Variants in SMARCC2 observed in about 807,000 individuals in gnomAD.
SMARCC2 encodes the protein SWI/SNF complex subunit SMARCC2.
In SMARCC2, 15 loss-of-function variants were observed where a neutral mutation model predicts 151.3. That is an observed-to-expected ratio of 0.10 (90% CI 0.07 to 0.15). The LOEUF is 0.15. Ranked by LOEUF, SMARCC2 falls within the 10% of genes least tolerant of loss-of-function variation. SMARCC2 has a pLI of 1.00. For missense variants in SMARCC2, 1,031 were observed against 1,599.7 expected, an observed-to-expected ratio of 0.64 and a Z score of 6.06; for synonymous variants, 590 against 609.5, an observed-to-expected ratio of 0.97 and a Z score of 0.47.
rs1356084033 is a variant in SMARCC2 at position 56,172,950 on chromosome 12, C to A, written c.1730G>T (p.Gly577Val). Residue 577 changes from glycine to valine, a missense_variant, in exon 18 of 29, where the codon GGC becomes GTC. Around this residue, in one of 12 missense-constraint regions of SMARCC2, gnomAD observed 99 missense variants for 148.3 expected, o/e 0.67. Coordinates refer to ENST00000550164, the MANE Select transcript of SMARCC2 (RefSeq NM_001330288.2). Reference protein sequence around the residue: ...LDDLVPETAKGKPELQTSASQ... With the variant: ...LDDLVPETAKVKPELQTSASQ... Reference sequence around the variant, plus strand: ...CACCCCACCTACCAGCTCTGGCTTGCCCTTAGCCGTCTCTGGCACCAGGTC... The same window carrying A: ...CACCCCACCTACCAGCTCTGGCTTGACCTTAGCCGTCTCTGGCACCAGGTC... 6.2e-7 allele frequency: 1 copy of A among 1,613,654 alleles called. No individual in the cohort carries two copies. The highest frequency in any genetic ancestry group is 2.2e-5 in the East Asian group (1 of 44,884).
Position 56,174,675 on chromosome 12 carries a change from G to C in SMARCC2, c.1472C>G (p.Ala491Gly), listed in dbSNP as rs762524732. Residue 491 changes from alanine to glycine, a missense_variant, in exon 16 of 29, where the codon GCG becomes GGG. Transcript: ENST00000550164. ...CCTCATGATGGCACAGACATCACCC[G>C]CTAGGTTTCGGCGGCAGGCGGTAGA... is the stretch of plus-strand genomic sequence containing the variant. Reference protein sequence around the residue: ...LTSTACRRNLAGDVCAIMRVH... With the variant: ...LTSTACRRNLGGDVCAIMRVH... 4.3e-6 allele frequency: 7 copies of C among 1,613,372 alleles called. No individual in the cohort carries two copies. Among genetic ancestry groups the C allele is most frequent in the Non-Finnish European group, 5.9e-6 (7 of 1,179,502 alleles).
chr12:56,181,435 A>C lies in SMARCC2; in HGVS notation c.956+47T>G, dbSNP rs762600642. On this transcript the variant is annotated intron_variant, in intron 10 of 28. Transcript: ENST00000550164. ...ATTTGTCTTTCCTTCCTTCAACATG[A>C]TGTGGAGAGAATGGTGAACACGGGG... 7 of 1,153,110 alleles carry C rather than the reference A, an allele frequency of 6.1e-6. No individual in the cohort carries two copies. The South Asian group carries it at 1.1e-4, about 18-fold the overall frequency. The allele number at this position is 1,153,110 out of a possible 1,614,324, so 71.4% of individuals were successfully genotyped here.
intron 16 of SMARCC2, 66 bp from the exon 17 acceptor site, chr12:56,173,915 A>AG: frequency 6.7e-7 from 1 of 1,481,916 alleles, no homozygotes; most frequent in Admixed American, 1.9e-5. Flanking sequence ...GAAGAGGAAA[A>AG]GTGGGGGGTA....
chr12:56,169,717 G>A (rs1873544688), intron 24 of SMARCC2, 22 bp from the exon 25 acceptor site: 6 of 1,614,032 alleles, frequency 3.7e-6, no homozygotes, highest in Non-Finnish European at 5.1e-6. Context: ...CAAGGGTTGA[G>A]TTAGCCCCAC....
chr12:56,171,583 A>G lies in SMARCC2; in HGVS notation c.2185+96T>C. ...AGCTGAGGCCCGCACAGACAAGGCCAGCAGGGCAGCCAAACTTGAGAGGAT... is the reference window on the plus strand; with the variant it reads ...AGCTGAGGCCCGCACAGACAAGGCCGGCAGGGCAGCCAAACTTGAGAGGAT... On this transcript the variant is annotated intron_variant, in intron 21 of 28. Coordinates refer to ENST00000550164, the MANE Select transcript of SMARCC2 (RefSeq NM_001330288.2). The surrounding 1 kb of genome is among the most constrained non-coding windows in gnomAD (Gnocchi z 4.2). 6.7e-7 allele frequency: 1 copy of G among 1,490,528 alleles called. No homozygotes were observed. Among genetic ancestry groups the G allele is most frequent in the Non-Finnish European group, 9.0e-7 (1 of 1,105,650 alleles). 92.3% of individuals were successfully genotyped at this position (1,490,528 alleles called of 1,614,324 possible).
rs1288300522 is a variant in SMARCC2, at chr12:56,189,382, A to G, written c.80T>C (p.Val27Ala). 10 of 1,540,928 alleles carry G rather than the reference A, an allele frequency of 6.5e-6. No homozygotes were observed. The highest frequency in any genetic ancestry group is 8.8e-6 in the Non-Finnish European group (10 of 1,140,806). The part of the protein sequence containing the change: ...AADTVTQFDN[V>A]RLWLGKNYKK... ...GTAGTTCTTGCCGAGCCACAGCCGC[A>G]CGTTGTCGAACTGGGTCACGGTGTC... is the stretch of plus-strand genomic sequence containing the variant. Residue 27 changes from valine (V) to alanine (A), a missense_variant, in exon 1 of 29, where the codon GTG becomes GCG. Val to Ala is a moderately conservative substitution (Grantham distance 64). This residue lies in a region of SMARCC2 where 50 missense variants were observed against 52.4 expected (regional missense o/e 0.95). Transcript: ENST00000550164.
chr12:56,174,403 C>T (rs556140506), intron 16 of SMARCC2: 34 of 383,854 alleles, frequency 8.9e-5, no homozygotes, highest in African/African-American at 6.9e-4. Context: ...TGAGCCACCA[C>T]ACCTGGCCTG....
At chr12:56,175,169 G>A (rs568213892) in intron 15 of SMARCC2, among the ~76,000 whole-genome samples, 9 of 152,032 alleles carry the variant, frequency 5.9e-5, no homozygotes, top group African/African-American at 1.9e-4. Context: ...GTGCCACCAC[G>A]GCCGGCTAAT....
chr12:56,173,893 A>C (rs761405981), intron 16 of SMARCC2, 44 bp from the exon 17 acceptor site: 1 of 1,571,216 alleles, frequency 6.4e-7, no homozygotes, highest in Non-Finnish European at 8.7e-7. Flanking sequence ...GATAGCCAGA[A>C]AGGTGCACGA....
At chr12:56,184,018 C>A (rs1876765475) in intron 6 of SMARCC2, 88 bp from the exon 7 acceptor site, 2 of 1,107,540 alleles carry the variant, frequency 1.8e-6, no homozygotes, top group Admixed American at 2.0e-5. Context: ...AATGCACTCT[C>A]CTGTTGTAGC....
At chr12:56,177,296 G>C (rs1875219200) in intron 15 of SMARCC2, among the ~76,000 whole-genome samples, 1 of 152,178 alleles carries the variant, frequency 6.6e-6, no homozygotes, top group South Asian at 2.1e-4. Flanking sequence ...CCAGGCTGGA[G>C]AGCAGTGGTG....
rs893596660 is a variant in SMARCC2 at position 56,162,676 on chromosome 12, A to C, written c.*1013T>G. Reference sequence around the variant, plus strand: ...TCTTCCACTGCTCCCAAATCCCTGCATCCTCATCTGGGGAGCCCCCAGCTA... The same window carrying C: ...TCTTCCACTGCTCCCAAATCCCTGCCTCCTCATCTGGGGAGCCCCCAGCTA... On this transcript the variant is annotated 3_prime_UTR_variant, in exon 29 of 29. Transcript: ENST00000550164. 4.4e-6 allele frequency: 1 copy of C among 229,312 alleles called. No individual in the cohort carries two copies. Among genetic ancestry groups the C allele is most frequent in the African/African-American group, 2.3e-5 (1 of 43,886 alleles). The allele number at this position is 229,312 out of a possible 1,614,324, so 14.2% of individuals were successfully genotyped here. A position where few individuals can be genotyped will look rare whatever the true frequency, so the allele number is the denominator to read the frequency against.
At position 56,165,844 on chromosome 12, in the gene SMARCC2, C is replaced by G. The variant is rs115952344; in HGVS notation, c.2851-145G>C. The G allele has an allele frequency of 3.0e-4, 233 of 773,060 alleles. No homozygotes were observed. In the African/African-American group the frequency reaches 3.6e-3, roughly 12 times the overall value. The allele number at this position is 773,060 out of a possible 1,614,324, so 47.9% of individuals were successfully genotyped here. On this transcript the variant is annotated intron_variant, in intron 26 of 28. Transcript: ENST00000550164. Reference sequence around the variant, plus strand: ...TCTACATCTTGTGCTTGTGCTCCCTCTGTCCTCCCCACCCGACTTCGTGCA... The same window carrying G: ...TCTACATCTTGTGCTTGTGCTCCCTGTGTCCTCCCCACCCGACTTCGTGCA...
At chr12:56,170,011 T>C (rs1873609275) in intron 23 of SMARCC2, 100 bp from the exon 24 acceptor site, 4 of 1,442,582 alleles carry the variant, frequency 2.8e-6, no homozygotes, top group Non-Finnish European at 3.9e-6. Context: ...TCCTCTTACT[T>C]TGGAGGTGAT....
chr12:56,169,468 G>GA (rs923628046), intron 25 of SMARCC2, 61 bp downstream of exon 25: 28 of 1,554,386 alleles, frequency 1.8e-5, no homozygotes, highest in Non-Finnish European at 2.5e-5. Context: ...TTTCCTCTAA[G>GA]TGAGATGAGA....
At chr12:56,184,091 G>A (rs1876780613) in intron 6 of SMARCC2, 84 bp downstream of exon 6, 1 of 1,115,576 alleles carries the variant, frequency 9.0e-7, no homozygotes, top group Middle Eastern at 2.5e-4. Context: ...AAGAGGAGGA[G>A]CCCAGGTACT....
In SMARCC2 at chr12:56,189,465, C is replaced by T. The variant is rs1215588579; in HGVS notation, c.-4G>A. ...CGTCCTTCTTCCGCACCGCCATCTT[C>T]TCCGGCTCGGGCCCCGCCGCCGCCC... is the stretch of plus-strand genomic sequence containing the variant. On this transcript the variant is annotated 5_prime_UTR_variant, in exon 1 of 29. Transcript: ENST00000550164. The T allele has an allele frequency of 6.8e-7, 1 of 1,476,774 alleles. No individual in the cohort carries two copies. Among genetic ancestry groups the T allele is most frequent in the African/African-American group, 1.4e-5 (1 of 69,386 alleles). The allele number at this position is 1,476,774 out of a possible 1,614,324, so 91.5% of individuals were successfully genotyped here.
rs977920711 is a variant in SMARCC2, at chr12:56,163,419, T to G, written c.*270A>C. On this transcript the variant is annotated 3_prime_UTR_variant, in exon 29 of 29. Transcript: ENST00000550164. Reference sequence around the variant, plus strand: ...GTTAATAGAACCTTGTATAAACACCTTTCACCAGCCCTTCCTTTAGGGCAG... The same window carrying G: ...GTTAATAGAACCTTGTATAAACACCGTTCACCAGCCCTTCCTTTAGGGCAG... 1 of 280,740 alleles carries G rather than the reference T, an allele frequency of 3.6e-6. No individual in the cohort carries two copies. Among genetic ancestry groups the G allele is most frequent in the African/African-American group, 2.2e-5 (1 of 45,264 alleles). The allele number at this position is 280,740 out of a possible 1,614,324, so 17.4% of individuals were successfully genotyped here. A position where few individuals can be genotyped will look rare whatever the true frequency, so the allele number is the denominator to read the frequency against.
Position 56,189,328 on chromosome 12 carries a change from G to GCGGCC in SMARCC2, c.111+18_111+22dup, listed in dbSNP as rs770429990. On this transcript the variant is annotated intron_variant, in intron 1 of 28. Transcript: ENST00000550164. ...CCTTTGTCCCGCCCCCGGTCCCCGCGCGGCCCGGCCCGGCCCGCGTACCTT... is the reference window on the plus strand; with the variant it reads ...CCTTTGTCCCGCCCCCGGTCCCCGCGCGGCCCGGCCCGGCCCGGCCCGCGTACCTT... 428 of 1,436,510 alleles carry GCGGCC rather than the reference G, an allele frequency of 3.0e-4. 2 individuals carry two copies. Among genetic ancestry groups the GCGGCC allele is most frequent in the Non-Finnish European group, 7.4e-5 (79 of 1,063,650 alleles). The allele number at this position is 1,436,510 out of a possible 1,614,324, so 89.0% of individuals were successfully genotyped here.
Sources: gnomAD v4.1 joint callset for allele counts (sites outside exome capture counted in the v4.1 genomes callset) on GRCh38, gnomAD v4.1.1 for gene constraint, gnomAD v4.1.1 regional missense constraint, Gnocchi (gnomAD v3.1) non-coding constraint, MANE v1.5 for transcripts, NCBI Gene and HGNC (gene_info 2026-07-23, HGNC 2026-07-21) for gene names.